Variants in TRHDE observed in about 807,000 individuals in gnomAD.
TRHDE encodes the protein thyrotropin releasing hormone degrading enzyme.
TRHDE carries 72 observed loss-of-function variants against 125.7 expected under a neutral mutation model. The ratio of observed to expected loss-of-function variants is 0.57; its 90% CI spans 0.47 to 0.70. The LOEUF (loss-of-function observed/expected upper bound fraction) is 0.70. Among genes scored for constraint, TRHDE ranks in the 30% least tolerant of loss-of-function variants. The pLI is 0.00. For synonymous variants in TRHDE, 509 were observed against 509.1 expected, an observed-to-expected ratio of 1.00 and a Z score of 0.00; for missense variants, 1,110 against 1,327.1, an observed-to-expected ratio of 0.84 and a Z score of 2.54.
chr12:72,601,975 G>A (rs895442221), intron 12 of TRHDE, among the ~76,000 whole-genome samples: 5 of 152,118 alleles, frequency 3.3e-5, no homozygotes, highest in Admixed American at 6.5e-5. Flanking sequence ...GTCTGGTTGT[G>A]TTCTTAGGAT....
chr12:72,207,616 C>T (rs1293160241), intron 2 of TRHDE, among the ~76,000 whole-genome samples: 1 of 152,040 alleles, frequency 6.6e-6, no homozygotes, highest in Admixed American at 6.6e-5. Flanking sequence ...TCTATGTTGC[C>T]CTTTATTAGC....
At chr12:72,385,725 A>G (rs899252812) in intron 3 of TRHDE, among the ~76,000 whole-genome samples, 10 of 152,136 alleles carry the variant, frequency 6.6e-5, no homozygotes, top group Admixed American at 5.2e-4. Flanking sequence ...TGTTCTTGTT[A>G]AGCTATTTTG....
intron 2 of TRHDE, among the ~76,000 whole-genome samples, chr12:72,169,854 A>G (rs1017137545): frequency 1.4e-4 from 22 of 152,132 alleles, no homozygotes; most frequent in Admixed American, 5.2e-4. Flanking sequence ...TATGAATTTT[A>G]GGGGACACAG....
At chr12:72,562,790 T>C (rs1968965) in intron 8 of TRHDE, 63 bp from the exon 9 acceptor site, 171,541 of 1,056,258 alleles carry the variant, frequency 0.16, 22,011 homozygotes, top group African/African-American at 0.54. Flanking sequence ...AAAAATGTCT[T>C]AATGTTAATA....
intron 3 of TRHDE, among the ~76,000 whole-genome samples, chr12:72,391,038 C>G (rs1872595170): frequency 6.6e-6 from 1 of 151,904 alleles, no homozygotes; most frequent in Admixed American, 6.6e-5. Flanking sequence ...AAAGAAATTT[C>G]CAGCCAATAT....
At chr12:72,241,046 T>C (rs898830600) in intron 2 of TRHDE, among the ~76,000 whole-genome samples, 1 of 152,062 alleles carries the variant, frequency 6.6e-6, no homozygotes, top group Non-Finnish European at 1.5e-5. Context: ...TCGTGTATTA[T>C]TCATTCCTCT....
At chr12:72,416,761 G>A (rs1010161491) in intron 3 of TRHDE, among the ~76,000 whole-genome samples, 1 of 152,076 alleles carries the variant, frequency 6.6e-6, no homozygotes, top group East Asian at 1.9e-4. Flanking sequence ...CCTGTACCGT[G>A]CTGTTTAGTT....
chr12:72,475,413 A>C (rs1876845362), intron 5 of TRHDE, among the ~76,000 whole-genome samples: 1 of 152,124 alleles, frequency 6.6e-6, no homozygotes, highest in Non-Finnish European at 1.5e-5. Context: ...CTTTCTATTC[A>C]CCATTATGAA....
intron 7 of TRHDE, among the ~76,000 whole-genome samples, chr12:72,557,435 A>G (rs987282199): frequency 5.3e-5 from 8 of 152,176 alleles, no homozygotes; most frequent in Admixed American, 2.6e-4. Flanking sequence ...TCTAGGGTGG[A>G]TGTTTATTAC....
intron 10 of TRHDE, among the ~76,000 whole-genome samples, chr12:72,574,742 A>G (rs996091444): frequency 4.6e-5 from 7 of 152,104 alleles, no homozygotes; most frequent in Non-Finnish European, 1.0e-4. Context: ...TTTTACTAGC[A>G]TTATTGATGA....
At chr12:72,533,221 C>A (rs537541918) in intron 6 of TRHDE, among the ~76,000 whole-genome samples, 34 of 151,960 alleles carry the variant, frequency 2.2e-4, no homozygotes, top group Middle Eastern at 3.4e-3. Context: ...GTCACCCAGG[C>A]TGGAACGCAG....
chr12:72,318,968 G>A (rs1010708701), intron 2 of TRHDE, among the ~76,000 whole-genome samples: 1 of 152,094 alleles, frequency 6.6e-6, no homozygotes, highest in Admixed American at 6.6e-5. Context: ...CTCCCGAATC[G>A]ACATAGTGGA....
At chr12:72,429,700 G>C (rs1242518655) in intron 3 of TRHDE, among the ~76,000 whole-genome samples, 1 of 151,922 alleles carries the variant, frequency 6.6e-6, no homozygotes, top group Non-Finnish European at 1.5e-5. Flanking sequence ...GTTATTATCT[G>C]TCTTTTCAAT....
At chr12:72,372,705 T>A (rs1012166435) in intron 2 of TRHDE, among the ~76,000 whole-genome samples, 16 of 152,200 alleles carry the variant, frequency 1.1e-4, no homozygotes, top group Admixed American at 3.3e-4. Context: ...GTTGTAGATA[T>A]GCGGCACTAT....
chr12:72,644,879 G>A (rs1186797588), intron 15 of TRHDE, among the ~76,000 whole-genome samples: 2 of 152,034 alleles, frequency 1.3e-5, no homozygotes, highest in Non-Finnish European at 2.9e-5. Flanking sequence ...CAGTGGCTTG[G>A]ACTGTTAAGA....
chr12:72,326,429 T>A lies in TRHDE; in HGVS notation c.1188+39475T>A, dbSNP rs138511728. 3.0e-3 allele frequency among the ~76,000 whole-genome samples: 464 copies of A among 152,184 alleles called. 2 individuals carry two copies. Among genetic ancestry groups the A allele is most frequent in the African/African-American group, 0.011 (442 of 41,526 alleles). On this transcript the variant is annotated intron_variant, in intron 2 of 18. Transcript: ENST00000261180. ...CGCGGGGCTAGGGGAGGAATAGCAT[T>A]AGGACAAATACCTAATGCATGCAGG...
Position 72,273,946 on chromosome 12 carries a change from C to T in TRHDE, c.914+389C>T. ...TACTGTCGAGGGAAAATACGTGGCG[C>T]TGAAGGCCAAGACAACAGCGCATCC... On this transcript the variant is annotated intron_variant, in intron 1 of 18. Coordinates refer to ENST00000261180, the MANE Select transcript of TRHDE (RefSeq NM_013381.3). The surrounding 1 kb of genome is among the most constrained non-coding windows in gnomAD (Gnocchi z 5.3). The T allele has an allele frequency of 4.9e-6, 1 of 202,848 alleles. No homozygotes were observed. The highest frequency in any genetic ancestry group is 1.1e-4 in the South Asian group (1 of 8,798). The allele number at this position is 202,848 out of a possible 1,614,324, so 12.6% of individuals were successfully genotyped here.
intron 2 of TRHDE, among the ~76,000 whole-genome samples, chr12:72,247,085 G>A (rs1878588563): frequency 6.6e-6 from 1 of 152,004 alleles, no homozygotes; most frequent in African/African-American, 2.4e-5. Context: ...AAAATCCATG[G>A]GTTCTCAAGT....
Position 72,245,295 on chromosome 12 carries a change from C to G in TRHDE, n.280-132700C>G, listed in dbSNP as rs539836097. On this transcript the variant is annotated intron_variant and non_coding_transcript_variant, in intron 2 of 4. Transcript: ENST00000548156. ...TAGAGGGAGAGGTCTATCTCTCCAT[C>G]TCTTTACATAGGTGGATAGGTAGAT... 4.0e-3 allele frequency among the ~76,000 whole-genome samples: 598 copies of G among 150,950 alleles called. 4 individuals are homozygous for G. The highest frequency in any genetic ancestry group is 5.9e-3 in the Non-Finnish European group (401 of 67,732).
Sources: allele counts gnomAD v4.1 joint callset (sites outside exome capture counted in the v4.1 genomes callset), GRCh38; gene constraint gnomAD v4.1.1; non-coding constraint Gnocchi (gnomAD v3.1); transcripts MANE v1.5; gene names NCBI Gene and HGNC (gene_info 2026-07-23, HGNC 2026-07-21).